The following PPP1R11 variants were observed in gnomAD, a reference collection of about 807,000 sequenced individuals.
PPP1R11 encodes protein phosphatase 1 regulatory inhibitor subunit 11.
Under a neutral mutation model 11.3 loss-of-function variants are expected in PPP1R11, and 10 were observed. That is an observed-to-expected ratio of 0.88 (90% CI 0.55 to 1.50). PPP1R11 has a LOEUF of 1.50. Among genes scored for constraint, PPP1R11 ranks in the 40% most tolerant of loss-of-function variants. The pLI, the probability that PPP1R11 is intolerant of heterozygous loss-of-function variation, is 0.00. For synonymous variants in PPP1R11, 56 were observed against 62.3 expected (o/e 0.90, Z 0.48); for missense variants, 114 against 179.1 (o/e 0.64, Z 2.07).
chr6:30,061,721 T>C, upstream of PPP1R11: 5 of 1,608,728 alleles, frequency 3.1e-6, no homozygotes, highest in Non-Finnish European at 4.2e-6. The surrounding 1 kb of genome is among the most constrained non-coding windows in gnomAD (Gnocchi z 5.0). Flanking sequence ...GTCGGAAGCT[T>C]GGGGAACTCA....
chr6:30,061,458 C>T, the PPP1R11 span: 9 of 1,569,848 alleles, frequency 5.7e-6, no homozygotes, highest in Admixed American at 1.5e-4. This position sits in a 1 kb window ranked among gnomAD's most constrained non-coding sequence, Gnocchi z 5.0. Context: ...ATAGTTACGA[C>T]CTCTGGGACA....
In PPP1R11 at chr6:30,067,292, GTGGAGGATCC is replaced by G; in HGVS notation, c.-115_-106del. 9.4e-7 allele frequency: 1 copy of G among 1,059,734 alleles called. No homozygotes were observed. The highest frequency in any genetic ancestry group is 1.4e-6 in the Non-Finnish European group (1 of 713,824). The allele number at this position is 1,059,734 out of a possible 1,614,324, so 65.6% of individuals were successfully genotyped here. A position where few individuals can be genotyped will look rare whatever the true frequency, so the allele number is the denominator to read the frequency against. ...CCCAGGAGGAGGGGGAATAAAGAAG[GTGGAGGATCC>G]TGGCTACCACTCTGAATCCGATACC... is the stretch of plus-strand genomic sequence containing the variant. On this transcript the variant is annotated 5_prime_UTR_variant, in exon 1 of 3. Coordinates refer to ENST00000376772, the MANE Select transcript of PPP1R11 (RefSeq NM_021959.3).
chr6:30,061,961 C>A (rs1342638958), upstream of PPP1R11: 1 of 1,613,072 alleles, frequency 6.2e-7, no homozygotes, highest in Non-Finnish European at 8.5e-7. The surrounding 1 kb of genome is among the most constrained non-coding windows in gnomAD (Gnocchi z 5.0). Flanking sequence ...GTTCCACCAA[C>A]TGGGGACAGC....
In PPP1R11 at chr6:30,069,065, C is replaced by A. The variant is rs1262270181; in HGVS notation, c.179-39C>A. On this transcript the variant is annotated intron_variant, in intron 2 of 2. Transcript: ENST00000376772. The surrounding 1 kb of genome is among the most constrained non-coding windows in gnomAD (Gnocchi z 6.6). ...AATGGAACTGACTATATATCTTACC[C>A]TTCCTCCTCTTTAACTGGGCTCCTC... is the stretch of plus-strand genomic sequence containing the variant. 2 of 1,523,438 alleles carry A rather than the reference C, an allele frequency of 1.3e-6. No individual in the cohort carries two copies. The highest frequency in any genetic ancestry group is 2.2e-5 in the South Asian group (2 of 89,062). 94.4% of individuals were successfully genotyped at this position (1,523,438 alleles called of 1,614,324 possible). A position where few individuals can be genotyped will look rare whatever the true frequency, so the allele number is the denominator to read the frequency against.
At chr6:30,061,816 G>A (rs1765098968), upstream of PPP1R11, 3 of 1,548,718 alleles carry the variant, frequency 1.9e-6, no homozygotes, top group Non-Finnish European at 2.7e-6. The surrounding 1 kb of genome is among the most constrained non-coding windows in gnomAD (Gnocchi z 5.0). Flanking sequence ...TGAGGGAAAG[G>A]ATGTAGGGCC....
chr6:30,063,532 T>C (rs1454102214), upstream of PPP1R11, among the ~76,000 whole-genome samples: 1 of 151,508 alleles, frequency 6.6e-6, no homozygotes, highest in Admixed American at 6.6e-5. The surrounding 1 kb of genome is among the most constrained non-coding windows in gnomAD (Gnocchi z 4.1). Context: ...AAATATATAT[T>C]TAAAATATTA....
At chr6:30,061,534 A>G in the PPP1R11 span, 1 of 1,613,104 alleles carries the variant, frequency 6.2e-7, no homozygotes, top group Admixed American at 1.7e-5. The surrounding 1 kb of genome is among the most constrained non-coding windows in gnomAD (Gnocchi z 5.0). Context: ...CATGTCTGTC[A>G]TGGACCTCGC....
the PPP1R11 span, chr6:30,061,531 G>A: frequency 6.8e-6 from 11 of 1,612,982 alleles, no homozygotes; most frequent in Non-Finnish European, 9.3e-6. This position sits in a 1 kb window ranked among gnomAD's most constrained non-coding sequence, Gnocchi z 5.0. Flanking sequence ...CCGCATGTCT[G>A]TCATGGACCT....
In PPP1R11 at chr6:30,069,057, ATCTTACCCTTCCTCC is replaced by A; in HGVS notation, c.179-42_179-28del. ...TGAGTGGGAATGGAACTGACTATAT[ATCTTACCCTTCCTCC>A]TCTTTAACTGGGCTCCTCCCTCTAA... On this transcript the variant is annotated intron_variant, in intron 2 of 2. Transcript: ENST00000376772. The surrounding 1 kb of genome is among the most constrained non-coding windows in gnomAD (Gnocchi z 6.6). 6.6e-7 allele frequency: 1 copy of A among 1,510,042 alleles called. No homozygotes were observed. Among genetic ancestry groups the A allele is most frequent in the East Asian group, 2.3e-5 (1 of 44,384 alleles). The allele number at this position is 1,510,042 out of a possible 1,614,324, so 93.5% of individuals were successfully genotyped here. A position where few individuals can be genotyped will look rare whatever the true frequency, so the allele number is the denominator to read the frequency against.
chr6:30,069,646 G>T lies in PPP1R11; in HGVS notation c.*340G>T. ...AACATGAGTAGCGAACACTTAAATT[G>T]GGTTTTCAACAGTCCCAGCTTTCAC... is the stretch of plus-strand genomic sequence containing the variant. On this transcript the variant is annotated 3_prime_UTR_variant, in exon 3 of 3. Transcript: ENST00000376772. The surrounding 1 kb of genome is among the most constrained non-coding windows in gnomAD (Gnocchi z 6.6). 3.2e-6 allele frequency: 1 copy of T among 310,118 alleles called. No individual in the cohort carries two copies. Among genetic ancestry groups the T allele is most frequent in the Non-Finnish European group, 5.9e-6 (1 of 169,718 alleles). The allele number at this position is 310,118 out of a possible 1,614,324, so 19.2% of individuals were successfully genotyped here.
the PPP1R11 span, chr6:30,061,498 T>G: frequency 3.1e-6 from 5 of 1,611,210 alleles, no homozygotes; most frequent in Non-Finnish European, 4.2e-6. This position sits in a 1 kb window ranked among gnomAD's most constrained non-coding sequence, Gnocchi z 5.0. Context: ...TTAATAAACT[T>G]CCAACTCCCT....
At chr6:30,065,309 A>G (rs1382351753), upstream of PPP1R11, among the ~76,000 whole-genome samples, 1 of 152,178 alleles carries the variant, frequency 6.6e-6, no homozygotes, top group African/African-American at 2.4e-5. This position sits in a 1 kb window ranked among gnomAD's most constrained non-coding sequence, Gnocchi z 5.3. Context: ...GAGTCTACAT[A>G]TATGTGGATT....
At chr6:30,063,253 C>A (rs1765260590), upstream of PPP1R11, among the ~76,000 whole-genome samples, 1 of 152,100 alleles carries the variant, frequency 6.6e-6, no homozygotes. The surrounding 1 kb of genome is among the most constrained non-coding windows in gnomAD (Gnocchi z 4.1). Context: ...GAATTAGTTA[C>A]TAGAAAGAGG....
Position 30,067,396 on chromosome 6 carries a change from T to A in PPP1R11, c.-15T>A, listed in dbSNP as rs1327031237. 1 of 1,612,872 alleles carries A rather than the reference T, an allele frequency of 6.2e-7. No homozygotes were observed. The highest frequency in any genetic ancestry group is 8.5e-7 in the Non-Finnish European group (1 of 1,179,040). On this transcript the variant is annotated 5_prime_UTR_variant, in exon 1 of 3. Coordinates refer to ENST00000376772, the MANE Select transcript of PPP1R11 (RefSeq NM_021959.3). ...ATCCCCCTTCCTCCTCTCCTCCCTG[T>A]CCTGAGCCTTAGCCATGGCCGAGGC...
intron 2 of PPP1R11, 65 bp downstream of exon 2, chr6:30,068,763 C>A: frequency 7.3e-7 from 1 of 1,372,290 alleles, no homozygotes; most frequent in Non-Finnish European, 1.0e-6. Context: ...CTTGTATCTA[C>A]TCATATCCAC....
chr6:30,068,271 C>T (rs1765676308), intron 1 of PPP1R11: 1 of 213,006 alleles, frequency 4.7e-6, no homozygotes. Flanking sequence ...TGTATTAATA[C>T]TACCAAGGAT....
upstream of PPP1R11, chr6:30,061,730 C>T: frequency 6.2e-7 from 1 of 1,606,750 alleles, no homozygotes; most frequent in East Asian, 2.2e-5. This position sits in a 1 kb window ranked among gnomAD's most constrained non-coding sequence, Gnocchi z 5.0. Flanking sequence ...TTGGGGAACT[C>T]AAGATCGGTT....
At chr6:30,062,714 C>CCTTT (rs749507630), upstream of PPP1R11, among the ~76,000 whole-genome samples, 1,283 of 42,414 alleles carry the variant, frequency 0.03, 148 homozygotes, top group African/African-American at 0.097. Flanking sequence ...CCACGCCTGG[C>CCTTT]TTTTTTTTTT....
upstream of PPP1R11, among the ~76,000 whole-genome samples, chr6:30,062,772 A>G (rs1159602222): frequency 1.1e-5 from 1 of 91,880 alleles, no homozygotes; most frequent in Non-Finnish European, 2.0e-5. Flanking sequence ...GGGTTTCTCT[A>G]TGTTTCCCAG....
Sources: allele counts gnomAD v4.1 joint callset (sites outside exome capture counted in the v4.1 genomes callset), GRCh38; gene constraint gnomAD v4.1.1; non-coding constraint Gnocchi (gnomAD v3.1); transcripts MANE v1.5; gene names NCBI Gene and HGNC (gene_info 2026-07-23, HGNC 2026-07-21).